CTNNA3: variants seen among roughly 807,000 people sequenced by gnomAD.
The protein encoded by CTNNA3 is catenin alpha 3, also known as catenin alpha-3.
In CTNNA3, 76 loss-of-function variants were observed where a neutral mutation model predicts 95.7. That is an observed-to-expected ratio of 0.79 (90% CI 0.66 to 0.96). The LOEUF is 0.96. Among genes scored for constraint, CTNNA3 ranks in the 40% least tolerant of loss-of-function variants. The pLI is 0.00. For missense variants in CTNNA3, 1,191 were observed against 1,089.8 expected (o/e 1.09, Z -1.31); for synonymous variants, 431 against 374.4 (o/e 1.15, Z -1.74).
intron 5 of CTNNA3, among the ~76,000 whole-genome samples, chr10:67,459,310 G>C (rs1454396920): frequency 1.3e-5 from 2 of 152,104 alleles, no homozygotes; most frequent in African/African-American, 2.4e-5. Context: ...CAAATCCAAG[G>C]CTGATGTATT....
intron 1 of CTNNA3, among the ~76,000 whole-genome samples, chr10:67,670,942 T>G (rs1840419887): frequency 6.6e-6 from 1 of 152,180 alleles, no homozygotes; most frequent in African/African-American, 2.4e-5. Flanking sequence ...TACTTCTATC[T>G]CTCTGTGTCT....
chr10:66,609,449 C>T (rs1305660958), intron 10 of CTNNA3, among the ~76,000 whole-genome samples: 1 of 150,304 alleles, frequency 6.7e-6, no homozygotes. Context: ...GGGCAAGGTA[C>T]ATGAACACTT....
chr10:66,002,924 CA>C (rs1318699475), intron 15 of CTNNA3, among the ~76,000 whole-genome samples: 1 of 152,146 alleles, frequency 6.6e-6, no homozygotes, highest in Non-Finnish European at 1.5e-5. Flanking sequence ...CACATGATCC[CA>C]GGGGTGCTAA....
chr10:66,472,610 A>C (rs1839177403), intron 11 of CTNNA3, among the ~76,000 whole-genome samples: 1 of 152,052 alleles, frequency 6.6e-6, no homozygotes, highest in African/African-American at 2.4e-5. Flanking sequence ...ACAATAACAA[A>C]ATTGAGATAA....
At position 66,928,477 on chromosome 10, in the gene CTNNA3, G is replaced by A. The variant is rs780767820; in HGVS notation, c.1048-152953C>T. The A allele has an allele frequency of 2.1e-5, 32 of 1,549,500 alleles. No homozygotes were observed. In the Admixed American group the frequency reaches 4.4e-4, roughly 21 times the overall value. ...GGTATGAACCATTGTGATAAAAAGA[G>A]CTCTTAAAAGCTGGGAAATAAGTGG... On this transcript the variant is annotated intron_variant, in intron 7 of 17. Coordinates refer to ENST00000433211, the MANE Select transcript of CTNNA3 (RefSeq NM_013266.4).
chr10:66,916,609 C>T (rs896873354), intron 7 of CTNNA3, among the ~76,000 whole-genome samples: 1 of 152,242 alleles, frequency 6.6e-6, no homozygotes, highest in South Asian at 2.1e-4. Flanking sequence ...ATACTATAAG[C>T]CATTATCAGC....
chr10:66,756,210 AGAG>A (rs1207129456), intron 9 of CTNNA3, among the ~76,000 whole-genome samples: 3 of 152,184 alleles, frequency 2.0e-5, no homozygotes, highest in African/African-American at 4.8e-5. Context: ...GAGTGAAAAA[AGAG>A]GAGGACAGGA....
chr10:66,644,262 CTGTCTGT>C (rs1845614668), intron 9 of CTNNA3, among the ~76,000 whole-genome samples: 1 of 134,506 alleles, frequency 7.4e-6, no homozygotes, highest in Admixed American at 7.8e-5. Flanking sequence ...CTTGGTCTCT[CTGTCTGT>C]CTGTCTGTCT....
intron 13 of CTNNA3, among the ~76,000 whole-genome samples, chr10:66,127,931 G>A (rs1350355907): frequency 6.6e-6 from 1 of 152,062 alleles, no homozygotes; most frequent in Non-Finnish European, 1.5e-5. Flanking sequence ...AATTAGCTGG[G>A]CGTAGTGGCA....
chr10:66,122,196 T>C (rs1305112525), intron 13 of CTNNA3, among the ~76,000 whole-genome samples: 1 of 152,032 alleles, frequency 6.6e-6, no homozygotes, highest in Admixed American at 6.6e-5. Context: ...AAAATCACTG[T>C]AACAAAAATG....
At chr10:66,632,266 G>A (rs181624088) in intron 9 of CTNNA3, among the ~76,000 whole-genome samples, 1 of 151,878 alleles carries the variant, frequency 6.6e-6, no homozygotes. Context: ...ATAAAAATGG[G>A]GAATGGGCTG....
At chr10:67,290,597 T>C (rs541577644) in intron 5 of CTNNA3, among the ~76,000 whole-genome samples, 17 of 152,094 alleles carry the variant, frequency 1.1e-4, no homozygotes, top group Non-Finnish European at 1.9e-4. Flanking sequence ...GCTATATGTG[T>C]CCCCATTTCC....
intron 11 of CTNNA3, among the ~76,000 whole-genome samples, chr10:66,426,444 C>T (rs2093242070): frequency 6.6e-6 from 1 of 151,938 alleles, no homozygotes; most frequent in African/African-American, 2.4e-5. Flanking sequence ...TGAAGAAATA[C>T]TTTGTATTTG....
intron 10 of CTNNA3, among the ~76,000 whole-genome samples, chr10:66,599,227 TGAA>T (rs1843831344): frequency 1.3e-5 from 2 of 152,016 alleles, no homozygotes; most frequent in African/African-American, 2.4e-5. Flanking sequence ...TGGCAGAAAC[TGAA>T]ATAATGATTA....
At chr10:66,847,337 A>C (rs1357821096) in intron 7 of CTNNA3, among the ~76,000 whole-genome samples, 1 of 152,224 alleles carries the variant, frequency 6.6e-6, no homozygotes, top group Non-Finnish European at 1.5e-5. Flanking sequence ...AGGAAGCCAG[A>C]AATAAAATTA....
At chr10:66,728,035 G>T (rs563464550) in intron 9 of CTNNA3, among the ~76,000 whole-genome samples, 1 of 152,104 alleles carries the variant, frequency 6.6e-6, no homozygotes, top group African/African-American at 2.4e-5. Context: ...AATGAAGGGC[G>T]TATTGTTTAT....
chr10:66,637,863 T>C (rs1845388973), intron 9 of CTNNA3, among the ~76,000 whole-genome samples: 1 of 152,168 alleles, frequency 6.6e-6, no homozygotes, highest in Non-Finnish European at 1.5e-5. Context: ...CTCCTGCCCC[T>C]GGCTGCCAGT....
At chr10:66,423,589 C>A (rs181377452) in intron 11 of CTNNA3, among the ~76,000 whole-genome samples, 4 of 152,228 alleles carry the variant, frequency 2.6e-5, no homozygotes, top group Non-Finnish European at 5.9e-5. Context: ...CAGAGACATG[C>A]CAGCCCTGAG....
intron 5 of CTNNA3, among the ~76,000 whole-genome samples, chr10:67,293,066 C>G (rs1328263412): frequency 6.6e-6 from 1 of 152,004 alleles, no homozygotes; most frequent in Non-Finnish European, 1.5e-5. Context: ...ATCAGAAGTT[C>G]TCTAAATGGA....
Sources: gnomAD v4.1 joint callset for allele counts (sites outside exome capture counted in the v4.1 genomes callset) on GRCh38, gnomAD v4.1.1 for gene constraint, MANE v1.5 for transcripts, NCBI Gene and HGNC (gene_info 2026-07-23, HGNC 2026-07-21) for gene names.